Variants in DYTN observed in about 807,000 individuals in gnomAD.
DYTN encodes the protein dystrotelin.
In DYTN, 75 loss-of-function variants were observed where a neutral mutation model predicts 69.6. The ratio of observed to expected loss-of-function variants is 1.08; its 90% CI spans 0.89 to 1.31. DYTN has a LOEUF of 1.31. DYTN is among the 50% of genes most tolerant of loss of function. DYTN has a pLI of 0.00. For synonymous variants in DYTN, 252 were observed against 249.1 expected, an observed-to-expected ratio of 1.01 and a Z score of -0.11; for missense variants, 726 against 688.4, an observed-to-expected ratio of 1.05 and a Z score of -0.61.
At chr2:206,715,482 G>A (rs1440061293) in intron 1 of DYTN, among the ~76,000 whole-genome samples, 2 of 152,114 alleles carry the variant, frequency 1.3e-5, no homozygotes, top group Non-Finnish European at 2.9e-5. Context: ...GGAGATAATT[G>A]TGTCTCCTTG....
chr2:206,663,650 G>C (rs1215094686), intron 10 of DYTN, among the ~76,000 whole-genome samples: 2 of 152,128 alleles, frequency 1.3e-5, no homozygotes, highest in Non-Finnish European at 2.9e-5. Flanking sequence ...GGAAAATTCT[G>C]GGTTCTAAAA....
At chr2:206,713,850 G>A (rs1459998043) in intron 1 of DYTN, among the ~76,000 whole-genome samples, 1 of 152,188 alleles carries the variant, frequency 6.6e-6, no homozygotes, top group Non-Finnish European at 1.5e-5. Flanking sequence ...GAAGTCTTGA[G>A]GAAAATGAAA....
rs576749690 is a variant in DYTN, at chr2:206,704,890, G to T, written c.436C>A (p.Arg146Ser). Residue 146 changes from arginine to serine, a missense_variant, in exon 5 of 12, where the codon CGC becomes AGC. By Grantham distance (110) the Arg-to-Ser change is moderately radical. Coordinates refer to ENST00000452335, the MANE Select transcript of DYTN (RefSeq NM_001093730.1). ...NSRGGYDSGP[R>S]MTRRVLRKLL... Reference sequence around the variant, plus strand: ...TTTCTCAAAACCCTTCGAGTCATGCGTGGCCCAGAATCATAGCCTCCCCTG... The same window carrying T: ...TTTCTCAAAACCCTTCGAGTCATGCTTGGCCCAGAATCATAGCCTCCCCTG... The T allele has an allele frequency of 4.0e-5, 64 of 1,613,696 alleles. No homozygotes were observed. The highest frequency in any genetic ancestry group is 4.1e-5 in the Non-Finnish European group (48 of 1,179,838).
chr2:206,660,323 T>G (rs1201776403), intron 11 of DYTN, among the ~76,000 whole-genome samples: 1 of 152,214 alleles, frequency 6.6e-6, no homozygotes, highest in African/African-American at 2.4e-5. Context: ...ATGAATCTTT[T>G]AGCTTTAAGT....
At chr2:206,692,596 A>C (rs1699876678) in intron 9 of DYTN, among the ~76,000 whole-genome samples, 1 of 152,228 alleles carries the variant, frequency 6.6e-6, no homozygotes, top group Non-Finnish European at 1.5e-5. Context: ...AACATTTGGA[A>C]ATAGCCAAAT....
intron 5 of DYTN, among the ~76,000 whole-genome samples, chr2:206,703,822 G>A (rs903056938): frequency 9.9e-5 from 15 of 152,056 alleles, no homozygotes; most frequent in African/African-American, 3.4e-4. Context: ...TCTAGCATGG[G>A]GATTTTGTAG....
chr2:206,699,479 G>A (rs1020790649), intron 7 of DYTN, among the ~76,000 whole-genome samples: 2 of 152,160 alleles, frequency 1.3e-5, no homozygotes, highest in African/African-American at 4.8e-5. Context: ...ATTCCCCTTA[G>A]AGGAAGAAAA....
chr2:206,652,549 T>G (rs775214023), intron 11 of DYTN, among the ~76,000 whole-genome samples: 4 of 152,214 alleles, frequency 2.6e-5, no homozygotes, highest in Non-Finnish European at 5.9e-5. Context: ...CATTTGTGCA[T>G]AAAGATATAT....
At chr2:206,683,713 A>G (rs77112630) in intron 9 of DYTN, among the ~76,000 whole-genome samples, 5,129 of 152,140 alleles carry the variant, frequency 0.034, 114 homozygotes, top group Middle Eastern at 0.065. Flanking sequence ...TGTTCTTTGA[A>G]TCCATTAAAA....
intron 7 of DYTN, among the ~76,000 whole-genome samples, chr2:206,695,746 C>A (rs1262594614): frequency 1.3e-5 from 2 of 152,170 alleles, no homozygotes; most frequent in Non-Finnish European, 2.9e-5. Context: ...TATGTAAATT[C>A]TCTTCTCTAA....
intron 9 of DYTN, among the ~76,000 whole-genome samples, chr2:206,670,716 G>A (rs756113840): frequency 7.2e-5 from 11 of 152,122 alleles, no homozygotes; most frequent in African/African-American, 1.7e-4. Context: ...GTATGATGAC[G>A]CAGATGTTTA....
Position 206,707,516 on chromosome 2 carries a change from AATG to A in DYTN, c.95-16_95-14del. On this transcript the variant is annotated splice_polypyrimidine_tract_variant and intron_variant, in intron 2 of 11. Coordinates refer to ENST00000452335, the MANE Select transcript of DYTN (RefSeq NM_001093730.1). ...TCAATCAAGTCCACTGTAGGAAGCA[AATG>A]AAGAATTGAGCCTTATTTTCTGATG... is the stretch of plus-strand genomic sequence containing the variant. 1 of 1,599,690 alleles carries A rather than the reference AATG, an allele frequency of 6.3e-7. No homozygotes were observed. Among genetic ancestry groups the A allele is most frequent in the Non-Finnish European group, 8.5e-7 (1 of 1,172,960 alleles).
At chr2:206,689,383 T>C (rs998953327) in intron 9 of DYTN, among the ~76,000 whole-genome samples, 4 of 152,238 alleles carry the variant, frequency 2.6e-5, no homozygotes, top group African/African-American at 9.6e-5. Flanking sequence ...TATTACATTG[T>C]GATTTAGTAA....
chr2:206,655,678 C>G (rs2105885758), intron 11 of DYTN, among the ~76,000 whole-genome samples: 1 of 151,762 alleles, frequency 6.6e-6, no homozygotes, highest in South Asian at 2.1e-4. Flanking sequence ...CCCACCTCAG[C>G]CTCCCAAAGC....
At chr2:206,710,164 A>G (rs933517571) in intron 2 of DYTN, among the ~76,000 whole-genome samples, 8 of 152,250 alleles carry the variant, frequency 5.3e-5, no homozygotes, top group Admixed American at 2.6e-4. Context: ...ACTTAAATCT[A>G]TAAGTGCAGT....
chr2:206,676,864 C>T (rs976203241), intron 9 of DYTN, among the ~76,000 whole-genome samples: 1 of 152,042 alleles, frequency 6.6e-6, no homozygotes, highest in Non-Finnish European at 1.5e-5. Flanking sequence ...TTCACAGGTG[C>T]ACCTTTATCC....
intron 9 of DYTN, among the ~76,000 whole-genome samples, chr2:206,676,564 C>T (rs1258230840): frequency 6.6e-6 from 1 of 151,906 alleles, no homozygotes; most frequent in Non-Finnish European, 1.5e-5. Flanking sequence ...CACATATATC[C>T]CAGAATTTAA....
intron 11 of DYTN, among the ~76,000 whole-genome samples, chr2:206,660,054 A>G (rs1699496160): frequency 6.6e-6 from 1 of 152,154 alleles, no homozygotes; most frequent in Non-Finnish European, 1.5e-5. Context: ...TGCTCATATC[A>G]TAAGCACATT....
chr2:206,684,583 A>G (rs1269677186), intron 9 of DYTN, among the ~76,000 whole-genome samples: 1 of 152,196 alleles, frequency 6.6e-6, no homozygotes, highest in Admixed American at 6.5e-5. Flanking sequence ...TCAGCCTCCC[A>G]AAGTTCTGGG....
Sources: gnomAD v4.1 joint callset for allele counts (sites outside exome capture counted in the v4.1 genomes callset) on GRCh38, gnomAD v4.1.1 for gene constraint, MANE v1.5 for transcripts, NCBI Gene and HGNC (gene_info 2026-07-23, HGNC 2026-07-21) for gene names.